DSCAM: variants seen among roughly 807,000 people sequenced by gnomAD.
The protein encoded by DSCAM is DS cell adhesion molecule.
Under a neutral mutation model 217.7 loss-of-function variants are expected in DSCAM, and 47 were observed. That is an observed-to-expected ratio of 0.22 (90% CI 0.17 to 0.28). The LOEUF is 0.28. Among genes scored for constraint, DSCAM ranks in the 10% least tolerant of loss-of-function variants. The pLI, the probability that DSCAM is intolerant of heterozygous loss-of-function variation, is 1.00. For missense variants in DSCAM, 2,080 were observed against 2,618.3 expected, an observed-to-expected ratio of 0.79 and a Z score of 4.49; for synonymous variants, 1,056 against 1,015.3, an observed-to-expected ratio of 1.04 and a Z score of -0.76.
At chr21:40,666,781 C>A (rs2090206563) in intron 3 of DSCAM, among the ~76,000 whole-genome samples, 1 of 152,204 alleles carries the variant, frequency 6.6e-6, no homozygotes, top group Middle Eastern at 3.2e-3. Context: ...AAAAATGAAC[C>A]AAATGTTCCA....
chr21:40,803,056 T>C (rs146349151), intron 1 of DSCAM, among the ~76,000 whole-genome samples: 87 of 152,316 alleles, frequency 5.7e-4, no homozygotes, highest in African/African-American at 1.7e-3. Flanking sequence ...TGTTATTCTC[T>C]TTGGAAGTAC....
intron 3 of DSCAM, among the ~76,000 whole-genome samples, chr21:40,661,143 AT>A (rs1349282099): frequency 2.0e-5 from 3 of 152,232 alleles, no homozygotes; most frequent in Non-Finnish European, 4.4e-5. Context: ...TTTATAGGAA[AT>A]CTAAGAAAAA....
intron 11 of DSCAM, among the ~76,000 whole-genome samples, chr21:40,200,240 T>G (rs7279870): frequency 6.6e-6 from 1 of 151,942 alleles, no homozygotes; most frequent in Non-Finnish European, 1.5e-5. Flanking sequence ...CTACAATTCA[T>G]CCCCCAAACT....
chr21:40,591,862 G>A (rs973602836), intron 3 of DSCAM, among the ~76,000 whole-genome samples: 4 of 152,126 alleles, frequency 2.6e-5, no homozygotes, highest in Non-Finnish European at 5.9e-5. Context: ...TAGCTTGTTG[G>A]ACCCATTTTA....
intron 3 of DSCAM, 72 bp downstream of exon 3, chr21:40,692,738 C>A (rs558013744): frequency 6.5e-7 from 1 of 1,529,052 alleles, no homozygotes; most frequent in Non-Finnish European, 8.9e-7. Context: ...AACGGAGACC[C>A]GATTCCATCT....
intron 11 of DSCAM, among the ~76,000 whole-genome samples, chr21:40,253,939 T>G (rs1601487731): frequency 6.6e-6 from 1 of 152,316 alleles, no homozygotes; most frequent in South Asian, 2.1e-4. Flanking sequence ...GTGTGCTATC[T>G]TGAATTTGCA....
chr21:40,684,620 T>A (rs1372998569), intron 3 of DSCAM, among the ~76,000 whole-genome samples: 1 of 152,224 alleles, frequency 6.6e-6, no homozygotes, highest in Admixed American at 6.5e-5. Flanking sequence ...ACTTCTTGAG[T>A]AGCTAGCAAG....
intron 20 of DSCAM, among the ~76,000 whole-genome samples, chr21:40,114,656 T>C (rs1187924020): frequency 1.3e-5 from 2 of 152,110 alleles, no homozygotes; most frequent in Non-Finnish European, 2.9e-5. Context: ...ATTTTTGCAA[T>C]CTACTCATCT....
intron 3 of DSCAM, among the ~76,000 whole-genome samples, chr21:40,453,716 A>G (rs1009134608): frequency 2.0e-5 from 3 of 152,264 alleles, no homozygotes; most frequent in African/African-American, 7.2e-5. Context: ...ATAATATTCA[A>G]TTAAGAAACA....
chr21:40,376,085 T>C (rs1258633104), intron 3 of DSCAM, among the ~76,000 whole-genome samples: 5 of 152,142 alleles, frequency 3.3e-5, no homozygotes, highest in Non-Finnish European at 7.4e-5. Context: ...ATCTTAGAGC[T>C]CTTGTTGTTG....
In DSCAM at chr21:40,493,873, A is replaced by T. The variant is rs1455508790; in HGVS notation, c.509-124628T>A. 3.0e-3 allele frequency among the ~76,000 whole-genome samples: 418 copies of T among 137,206 alleles called. 2 individuals carry two copies. The highest frequency in any genetic ancestry group is 9.5e-3 in the African/African-American group (338 of 35,598). 90.0% of individuals were successfully genotyped at this position (137,206 alleles called of 152,430 possible). ...AGCAAAACTCCATCTCAAAAAAAAA[A>T]AAAAAAATATATACATATATATACA... On this transcript the variant is annotated intron_variant, in intron 3 of 32. Transcript: ENST00000400454.
intron 16 of DSCAM, among the ~76,000 whole-genome samples, chr21:40,160,883 T>C (rs924065774): frequency 1.3e-5 from 2 of 152,244 alleles, no homozygotes; most frequent in African/African-American, 4.8e-5. Flanking sequence ...CAACAGGATT[T>C]CTGGCTCGAC....
At chr21:40,288,389 C>T (rs186137517) in intron 10 of DSCAM, among the ~76,000 whole-genome samples, 10 of 152,256 alleles carry the variant, frequency 6.6e-5, no homozygotes, top group African/African-American at 2.4e-4. Flanking sequence ...CCAAATTTTC[C>T]AGATTTTTTG....
At chr21:40,350,606 T>A (rs111764596) in intron 5 of DSCAM, among the ~76,000 whole-genome samples, 1 of 152,130 alleles carries the variant, frequency 6.6e-6, no homozygotes, top group Admixed American at 6.5e-5. Context: ...ACCAGAGTGA[T>A]GGAGGGGCCA....
chr21:40,341,635 A>G (rs748265800), intron 6 of DSCAM, among the ~76,000 whole-genome samples: 15 of 152,222 alleles, frequency 9.9e-5, no homozygotes, highest in Admixed American at 2.0e-4. Flanking sequence ...GATTCCTCTT[A>G]GGATGTGCTG....
At chr21:40,331,141 GAGAT>G (rs2123560613) in intron 8 of DSCAM, among the ~76,000 whole-genome samples, 1 of 152,346 alleles carries the variant, frequency 6.6e-6, no homozygotes, top group African/African-American at 2.4e-5. Flanking sequence ...AGTATCTAGA[GAGAT>G]AGTAGGAGAA....
rs372530575 is a variant in DSCAM at position 40,624,537 on chromosome 21, C to A, written c.508+68273G>T. Among the ~76,000 whole-genome samples the A allele has an allele frequency of 2.0e-5, 3 of 152,130 alleles. No individual in the cohort carries two copies. The South Asian group carries it at 6.2e-4, about 32-fold the overall frequency. ...CCAAGTGGGGTGAGAGGCACCTGGA[C>A]AGCCTGACCATGTGAATGATGCTTG... is the stretch of plus-strand genomic sequence containing the variant. On this transcript the variant is annotated intron_variant, in intron 3 of 32. Transcript: ENST00000400454.
intron 3 of DSCAM, among the ~76,000 whole-genome samples, chr21:40,561,622 C>T (rs535488616): frequency 2.6e-4 from 40 of 152,206 alleles, no homozygotes; most frequent in South Asian, 6.2e-4. Flanking sequence ...TTTAATAAAA[C>T]GTGGGGTTTG....
At chr21:40,043,076 A>G (rs2088782705) in intron 31 of DSCAM, among the ~76,000 whole-genome samples, 1 of 152,226 alleles carries the variant, frequency 6.6e-6, no homozygotes, top group Admixed American at 6.5e-5. Flanking sequence ...GCTGCAGTTC[A>G]GCTTCTGGGG....
Sources: allele counts gnomAD v4.1 joint callset (sites outside exome capture counted in the v4.1 genomes callset), GRCh38; gene constraint gnomAD v4.1.1; transcripts MANE v1.5; gene names NCBI Gene and HGNC (gene_info 2026-07-23, HGNC 2026-07-21).